Variants in NUBPL observed in about 807,000 individuals in gnomAD.
NUBPL encodes the protein iron-sulfur cluster transfer protein NUBPL.
In NUBPL, 31 loss-of-function variants were observed where a neutral mutation model predicts 45.7. That is an observed-to-expected ratio of 0.68 (90% CI 0.51 to 0.92). The LOEUF (loss-of-function observed/expected upper bound fraction) is 0.92. Among genes scored for constraint, NUBPL ranks in the 40% least tolerant of loss-of-function variants. The pLI, the probability that NUBPL is intolerant of heterozygous loss-of-function variation, is 0.00. For missense variants in NUBPL, 401 were observed against 398.7 expected (o/e 1.01, Z -0.05); for synonymous variants, 144 against 140.9 (o/e 1.02, Z -0.15).
At chr14:31,840,301 C>T (rs557662637) in intron 8 of NUBPL, among the ~76,000 whole-genome samples, 16 of 152,202 alleles carry the variant, frequency 1.1e-4, no homozygotes, top group East Asian at 5.8e-4. Context: ...TGGCCAGGCG[C>T]GGTGGCTCAC....
At chr14:31,605,858 T>TTCCTTGTCTCCTCCCTTCTTCCTCC (rs1162043833) in intron 4 of NUBPL, among the ~76,000 whole-genome samples, 16 of 140,642 alleles carry the variant, frequency 1.1e-4, no homozygotes, top group East Asian at 6.3e-4. Context: ...TCCCTTCTCC[T>TTCCTTGTCTCCTCCCTTCTTCCTCC]TCCTTGTCTC....
intron 4 of NUBPL, among the ~76,000 whole-genome samples, chr14:31,648,086 T>A (rs1447366237): frequency 6.6e-6 from 1 of 152,246 alleles, no homozygotes; most frequent in African/African-American, 2.4e-5. Flanking sequence ...AACTGATTTT[T>A]CTGTTGTATC....
Position 31,650,413 on chromosome 14 carries a change from C to T in NUBPL, c.383-22942C>T, listed in dbSNP as rs578121977. 3.4e-4 allele frequency among the ~76,000 whole-genome samples: 51 copies of T among 151,752 alleles called. No individual in the cohort carries two copies. The East Asian group carries it at 5.9e-3, about 17-fold the overall frequency. On this transcript the variant is annotated intron_variant, in intron 4 of 10. Transcript: ENST00000281081. ...CACACCATTCTCCTGCCTCAGCCTC[C>T]GAGGTAGCTGGGACTACAGGCGCCC...
At chr14:31,660,933 A>C (rs2036253349) in intron 4 of NUBPL, among the ~76,000 whole-genome samples, 1 of 152,206 alleles carries the variant, frequency 6.6e-6, no homozygotes, top group African/African-American at 2.4e-5. Context: ...ACATGTAAAG[A>C]TGTCAACTTT....
chr14:31,678,546 A>G (rs551251637), intron 6 of NUBPL, among the ~76,000 whole-genome samples: 6 of 152,262 alleles, frequency 3.9e-5, no homozygotes, highest in Admixed American at 1.3e-4. Context: ...TCTTCAAGGT[A>G]TCGGGTTACC....
chr14:31,665,635 G>T (rs1262188075), intron 4 of NUBPL, among the ~76,000 whole-genome samples: 1 of 152,206 alleles, frequency 6.6e-6, no homozygotes, highest in Non-Finnish European at 1.5e-5. Context: ...TTGGCAAGGA[G>T]TGTTTTACTG....
At chr14:31,709,876 A>C (rs2037532528) in intron 6 of NUBPL, among the ~76,000 whole-genome samples, 2 of 152,096 alleles carry the variant, frequency 1.3e-5, no homozygotes, top group Admixed American at 1.3e-4. Context: ...CGTTAATAGG[A>C]CGGGGAGCTA....
At chr14:31,653,470 T>C (rs879883217) in intron 4 of NUBPL, among the ~76,000 whole-genome samples, 6 of 152,204 alleles carry the variant, frequency 3.9e-5, no homozygotes, top group Non-Finnish European at 7.3e-5. Flanking sequence ...AATTTAGCGA[T>C]ATCTCTCCTA....
At chr14:31,775,770 G>T (rs968733332) in intron 6 of NUBPL, among the ~76,000 whole-genome samples, 2 of 152,134 alleles carry the variant, frequency 1.3e-5, no homozygotes, top group Non-Finnish European at 2.9e-5. Context: ...TAGACTAACT[G>T]AGTCTACCCT....
intron 10 of NUBPL, among the ~76,000 whole-genome samples, chr14:31,851,907 T>C (rs576938723): frequency 1.2e-4 from 18 of 152,338 alleles, no homozygotes; most frequent in African/African-American, 4.3e-4. Flanking sequence ...ATTTTTTCTT[T>C]GAAATCCTCC....
chr14:31,755,148 G>A (rs147732593), intron 6 of NUBPL, among the ~76,000 whole-genome samples: 7,025 of 151,798 alleles, frequency 0.046, 206 homozygotes, highest in Admixed American at 0.066. Flanking sequence ...GAATAGTGCC[G>A]CAATAAACAT....
intron 4 of NUBPL, among the ~76,000 whole-genome samples, chr14:31,637,258 G>A (rs2035532236): frequency 2.0e-5 from 3 of 152,134 alleles, no homozygotes; most frequent in African/African-American, 7.2e-5. Flanking sequence ...ATACTGCTTT[G>A]AATGTGTCCC....
At chr14:31,665,826 G>A (rs2036395086) in intron 4 of NUBPL, among the ~76,000 whole-genome samples, 1 of 152,050 alleles carries the variant, frequency 6.6e-6, no homozygotes, top group African/African-American at 2.4e-5. Flanking sequence ...TATTGACAGT[G>A]GGGTGTTAAA....
intron 4 of NUBPL, among the ~76,000 whole-genome samples, chr14:31,613,580 C>T (rs950270919): frequency 1.3e-5 from 2 of 151,962 alleles, no homozygotes; most frequent in African/African-American, 4.8e-5. Context: ...GTTTCAGCCT[C>T]CTAAGTAGCC....
rs902418405 is a variant in NUBPL, at chr14:31,711,967, G to A, written c.513+38393G>A. ...TTCAGGAGTGAAGCTGAAGACCTTC[G>A]CAGTGAGTGTTAGAGCTCGTAAAGG... On this transcript the variant is annotated intron_variant, in intron 6 of 10. Coordinates refer to ENST00000281081, the MANE Select transcript of NUBPL (RefSeq NM_025152.3). Among the ~76,000 whole-genome samples, 8 of 152,264 alleles carry A rather than the reference G, an allele frequency of 5.3e-5. No homozygotes were observed. The East Asian group carries it at 5.8e-4, about 11-fold the overall frequency.
At chr14:31,736,557 G>A (rs557864602) in intron 6 of NUBPL, among the ~76,000 whole-genome samples, 7 of 152,102 alleles carry the variant, frequency 4.6e-5, no homozygotes, top group African/African-American at 1.7e-4. Context: ...CTTTTTTGTT[G>A]TTATATAGTA....
At chr14:31,713,731 C>G (rs190662928) in intron 6 of NUBPL, among the ~76,000 whole-genome samples, 1 of 152,126 alleles carries the variant, frequency 6.6e-6, no homozygotes, top group East Asian at 1.9e-4. Context: ...TTTTATTCTC[C>G]GTAGGAACTA....
chr14:31,563,894 A>G (rs1222360705), intron 2 of NUBPL, among the ~76,000 whole-genome samples: 1 of 152,228 alleles, frequency 6.6e-6, no homozygotes, highest in Admixed American at 6.5e-5. Context: ...TAAGTATTTT[A>G]CATGCAATAT....
In NUBPL at chr14:31,846,714, T is replaced by A. The variant is rs2040458785; in HGVS notation, c.814+123T>A. 1.1e-5 allele frequency: 16 copies of A among 1,481,014 alleles called. No individual in the cohort carries two copies. The South Asian group carries it at 1.9e-4, about 18-fold the overall frequency. The allele number at this position is 1,481,014 out of a possible 1,614,324, so 91.7% of individuals were successfully genotyped here. ...TCTCACACCTGTAATCCCAGCACTT[T>A]GGGAGGTCGAGGTGGACAGATCACG... On this transcript the variant is annotated intron_variant, in intron 9 of 10. Transcript: ENST00000281081.
Sources: allele counts gnomAD v4.1 joint callset (sites outside exome capture counted in the v4.1 genomes callset), GRCh38; gene constraint gnomAD v4.1.1; transcripts MANE v1.5; gene names NCBI Gene and HGNC (gene_info 2026-07-23, HGNC 2026-07-21).